Variants in PRKCQ observed in about 807,000 individuals in gnomAD.
PRKCQ encodes the protein protein kinase C theta, also known as protein kinase C theta type.
Under a neutral mutation model 91.2 loss-of-function variants are expected in PRKCQ, and 41 were observed. The ratio of observed to expected loss-of-function variants is 0.45; its 90% CI spans 0.35 to 0.58. The LOEUF (loss-of-function observed/expected upper bound fraction) is 0.58, where lower values mean the gene tolerates loss of function less well. PRKCQ is among the 20% of genes least tolerant of loss of function. The pLI is 0.00. For synonymous variants in PRKCQ, 307 were observed against 316.9 expected (o/e 0.97, Z 0.33); for missense variants, 673 against 896.5 (o/e 0.75, Z 3.18).
intron 16 of PRKCQ, among the ~76,000 whole-genome samples, chr10:6,440,705 G>A (rs766141489): frequency 2.6e-5 from 4 of 152,104 alleles, no homozygotes; most frequent in Non-Finnish European, 4.4e-5. Context: ...TTTATGTGAT[G>A]AGGCTGGGCA....
At chr10:6,515,837 C>T (rs796645563) in intron 1 of PRKCQ, among the ~76,000 whole-genome samples, 60 of 152,256 alleles carry the variant, frequency 3.9e-4, no homozygotes, top group African/African-American at 1.4e-3. Flanking sequence ...TTATGCTTTC[C>T]AAGAGGTTTA....
chr10:6,496,242 T>G (rs1195076849), intron 7 of PRKCQ, among the ~76,000 whole-genome samples: 1 of 135,994 alleles, frequency 7.4e-6, no homozygotes, highest in African/African-American at 2.8e-5. Flanking sequence ...AAAAAAAAAA[T>G]TGAAAAAAGA....
chr10:6,395,584 T>TA, the PRKCQ span, among the ~76,000 whole-genome samples: 10 of 152,188 alleles, frequency 6.6e-5, no homozygotes, highest in Admixed American at 5.9e-4. Flanking sequence ...CCATAATTTC[T>TA]AATCTTGTGG....
At chr10:6,500,677 G>A (rs899341281) in intron 4 of PRKCQ, among the ~76,000 whole-genome samples, 1 of 151,670 alleles carries the variant, frequency 6.6e-6, no homozygotes, top group South Asian at 2.1e-4. Context: ...TCTATTTACT[G>A]GTTTGAATGA....
At chr10:6,460,187 T>A (rs1397117519) in intron 14 of PRKCQ, among the ~76,000 whole-genome samples, 1 of 152,212 alleles carries the variant, frequency 6.6e-6, no homozygotes, top group African/African-American at 2.4e-5. Flanking sequence ...TTTTTTTTCT[T>A]GTTGGTGCCT....
At chr10:6,436,782 C>T (rs964746924) in intron 16 of PRKCQ, among the ~76,000 whole-genome samples, 6 of 147,746 alleles carry the variant, frequency 4.1e-5, no homozygotes, top group Non-Finnish European at 9.0e-5. Context: ...CACGGCTTTT[C>T]ACCTTTTCTC....
chr10:6,412,871 C>G, the PRKCQ span, among the ~76,000 whole-genome samples: 11 of 152,242 alleles, frequency 7.2e-5, no homozygotes, highest in Non-Finnish European at 1.3e-4. Context: ...TACTCCTAGG[C>G]TGGTTGCTGC....
chr10:6,449,564 A>G (rs949792698), intron 15 of PRKCQ, among the ~76,000 whole-genome samples: 11 of 152,024 alleles, frequency 7.2e-5, no homozygotes, highest in African/African-American at 1.2e-4. Flanking sequence ...CAACATTCAG[A>G]TTCAGGAAAT....
chr10:6,432,392 A>T lies in PRKCQ; in HGVS notation c.1837-1454T>A, dbSNP rs976566013. 3.9e-5 allele frequency among the ~76,000 whole-genome samples: 6 copies of T among 152,114 alleles called. No individual in the cohort carries two copies. The East Asian group carries it at 7.7e-4, about 19-fold the overall frequency. ...AAAGTGAAGTTTTTTCGCTTTTTTA[A>T]AAAAAAGTAGGAGAATCTTTTAAAG... On this transcript the variant is annotated intron_variant, in intron 16 of 17. Coordinates refer to ENST00000263125, the MANE Select transcript of PRKCQ (RefSeq NM_006257.5).
chr10:6,408,694 G>A, the PRKCQ span, among the ~76,000 whole-genome samples: 7 of 152,196 alleles, frequency 4.6e-5, no homozygotes, highest in African/African-American at 1.7e-4. Context: ...TGTTCTTCAT[G>A]TGATAAACAT....
chr10:6,407,443 A>C, the PRKCQ span, among the ~76,000 whole-genome samples: 1 of 149,632 alleles, frequency 6.7e-6, no homozygotes, highest in Non-Finnish European at 1.5e-5. This position sits in a 1 kb window ranked among gnomAD's most constrained non-coding sequence, Gnocchi z 4.0. Context: ...ATGTGTGCGC[A>C]TGCATGCATG....
intron 1 of PRKCQ, among the ~76,000 whole-genome samples, chr10:6,559,192 A>AAT (rs748803935): frequency 1.3e-5 from 2 of 152,208 alleles, no homozygotes; most frequent in Non-Finnish European, 2.9e-5. Flanking sequence ...ACTAGGAAGA[A>AAT]ATATTCATTA....
intron 1 of PRKCQ, among the ~76,000 whole-genome samples, chr10:6,526,575 A>G (rs1839205530): frequency 1.3e-5 from 2 of 152,306 alleles, no homozygotes; most frequent in Admixed American, 1.3e-4. Flanking sequence ...GGACTGAGTC[A>G]CACAGACAAT....
the PRKCQ span, among the ~76,000 whole-genome samples, chr10:6,395,094 GCT>G: frequency 1.6e-5 from 2 of 127,534 alleles, no homozygotes; most frequent in South Asian, 5.0e-4. Context: ...ACGGAGTCTC[GCT>G]CTGTCTCCCA....
At chr10:6,505,644 CCTTT>C (rs1249701238) in intron 4 of PRKCQ, among the ~76,000 whole-genome samples, 1 of 150,018 alleles carries the variant, frequency 6.7e-6, no homozygotes, top group Non-Finnish European at 1.5e-5. Flanking sequence ...TCCCTTCCTT[CCTTT>C]CCTTTCCTTT....
chr10:6,481,590 G>A (rs1428561219), intron 11 of PRKCQ, among the ~76,000 whole-genome samples: 1 of 152,130 alleles, frequency 6.6e-6, no homozygotes, highest in Non-Finnish European at 1.5e-5. Flanking sequence ...AGTCGATTCT[G>A]CTGAAAGGCA....
chr10:6,577,829 C>T (rs369234112), intron 1 of PRKCQ, among the ~76,000 whole-genome samples: 16 of 152,100 alleles, frequency 1.1e-4, no homozygotes, highest in Non-Finnish European at 2.2e-4. Context: ...GGCAAATATA[C>T]CATAATTAAA....
At chr10:6,417,965 C>T in the PRKCQ span, among the ~76,000 whole-genome samples, 2 of 152,188 alleles carry the variant, frequency 1.3e-5, no homozygotes, top group African/African-American at 2.4e-5. Flanking sequence ...ATCTCCCAGA[C>T]ATGGGTCTCC....
chr10:6,431,072 C>G, intron 16 of PRKCQ, 134 bp from the exon 17 acceptor site: 1 of 1,181,766 alleles, frequency 8.5e-7, no homozygotes, highest in Non-Finnish European at 1.1e-6. Flanking sequence ...TCAGGACTGA[C>G]TAAAGTCAAC....
Sources: allele counts gnomAD v4.1 joint callset (sites outside exome capture counted in the v4.1 genomes callset), GRCh38; gene constraint gnomAD v4.1.1; non-coding constraint Gnocchi (gnomAD v3.1); transcripts MANE v1.5; gene names NCBI Gene and HGNC (gene_info 2026-07-23, HGNC 2026-07-21).